Variants in PSG6 observed in about 807,000 individuals in gnomAD.
PSG6 encodes pregnancy-specific beta-1-glycoprotein 6.
A neutral mutation model predicts 43.3 loss-of-function variants in PSG6; 51 were observed. The ratio of observed to expected loss-of-function variants is 1.18; its 90% confidence interval spans 0.94 to 1.49. The LOEUF is 1.49. PSG6 is among the 40% of genes most tolerant of loss of function. The pLI is 0.00. For synonymous variants in PSG6, 292 were observed against 197.6 expected (o/e 1.48, Z -4.01); for missense variants, 770 against 522.2 (o/e 1.47, Z -4.62).
Position 42,907,735 on chromosome 19 carries a change from C to A in PSG6, c.826G>T (p.Gly276Cys), listed in dbSNP as rs756122986. 6.2e-7 allele frequency: 1 copy of A among 1,610,734 alleles called. No homozygotes were observed. Among genetic ancestry groups the A allele is most frequent in the African/African-American group, 1.3e-5 (1 of 74,688 alleles). ...CTCGGACTGACCGGGAGGCTCTGAC[C>A]ATTTAGCCACCAAATGTAGGTGTAG... ...RNYTYIWWLNGQSLPVSPRVK... is the reference protein window; with the variant it reads ...RNYTYIWWLNCQSLPVSPRVK... Residue 276 changes from glycine to cysteine, a missense_variant, in exon 4 of 6, where the codon GGT (glycine) becomes TGT (cysteine). Transcript: ENST00000187910.
At chr19:42,907,533 T>A (rs1275650287) in intron 4 of PSG6, 43 bp downstream of exon 4, 1 of 1,607,558 alleles carries the variant, frequency 6.2e-7, no homozygotes. Flanking sequence ...TCGTTTGGAG[T>A]TAAGCTGGTG....
At position 42,915,605 on chromosome 19, in the gene PSG6, C is replaced by T. The variant is rs1207771665; in HGVS notation, c.427+520G>A. The T allele has an allele frequency of 1.2e-5, 2 of 168,604 alleles. 1 individual carries two copies. The highest frequency in any genetic ancestry group is 2.6e-5 in the Non-Finnish European group (2 of 78,136). 10.4% of individuals were successfully genotyped at this position (168,604 alleles called of 1,614,324 possible). On this transcript the variant is annotated intron_variant, in intron 2 of 5. Transcript: ENST00000187910. ...CTGAGCCCTGGCTGGTGAACAGCTC[C>T]AGGAGACACAGTCCTCAGACAGCTG...
In PSG6 at chr19:42,912,888, A is replaced by G. The variant is rs376353519; in HGVS notation, c.428-2030T>C. ...AGATAGGACCTACCTGGCCACCTCC[A>G]TCTGGTCCCCAAACCACAAGTATTC... On this transcript the variant is annotated intron_variant, in intron 2 of 5. Transcript: ENST00000187910. 5.3e-5 allele frequency among the ~76,000 whole-genome samples: 8 copies of G among 151,838 alleles called. No homozygotes were observed. In the East Asian group the frequency reaches 1.4e-3, roughly 26 times the overall value.
chr19:42,911,906 G>C (rs113121435), intron 2 of PSG6, among the ~76,000 whole-genome samples: 2,522 of 151,520 alleles, frequency 0.017, 116 homozygotes, highest in African/African-American at 0.057. Flanking sequence ...CTGAAATCAC[G>C]GGTATAGGGC....
rs1232025465 is a variant in PSG6, at chr19:42,916,756, C to T, written c.65-269G>A. Among the ~76,000 whole-genome samples, 7 of 151,158 alleles carry T rather than the reference C, an allele frequency of 4.6e-5. No individual in the cohort carries two copies. In the East Asian group the frequency reaches 1.4e-3, roughly 30 times the overall value. On this transcript the variant is annotated intron_variant, in intron 1 of 5. Coordinates refer to ENST00000187910, the MANE Select transcript of PSG6 (RefSeq NM_001031850.4). Reference sequence around the variant, plus strand: ...CATTTTTCTGTTTGCAATCCTCTTCCCCAGGGGTCCGCACGGCCCCCTCCA... The same window carrying T: ...CATTTTTCTGTTTGCAATCCTCTTCTCCAGGGGTCCGCACGGCCCCCTCCA...
intron 2 of PSG6, among the ~76,000 whole-genome samples, chr19:42,913,427 G>C (rs1000372095): frequency 2.0e-5 from 3 of 151,858 alleles, no homozygotes; most frequent in African/African-American, 7.3e-5. Flanking sequence ...TTATAGGCGT[G>C]AGCCACTGTG....
In PSG6 at chr19:42,910,567, A is replaced by G. The variant is rs1039102220; in HGVS notation, c.706+13T>C. The G allele has an allele frequency of 6.2e-7, 1 of 1,612,492 alleles. No individual in the cohort carries two copies. Among genetic ancestry groups the G allele is most frequent in the Non-Finnish European group, 8.5e-7 (1 of 1,179,300 alleles). On this transcript the variant is annotated intron_variant, in intron 3 of 5. Coordinates refer to ENST00000187910, the MANE Select transcript of PSG6 (RefSeq NM_001031850.4). ...ATGGCAGCCTGGCTCACAGAGGAAC[A>G]GAAGATACTCACGGAGGAGATTCAG...
intron 1 of PSG6, 93 bp from the exon 2 acceptor site, chr19:42,916,580 T>A: frequency 1.3e-6 from 2 of 1,487,842 alleles, no homozygotes; most frequent in Non-Finnish European, 1.8e-6. Context: ...TCTTCAATCA[T>A]CAGCCTTGAA....
At chr19:42,904,786 C>G (rs753558490) in intron 5 of PSG6, among the ~76,000 whole-genome samples, 2 of 151,566 alleles carry the variant, frequency 1.3e-5, no homozygotes, top group Non-Finnish European at 2.9e-5. Context: ...AAAGAAAAAT[C>G]TGTCCTAAAA....
At chr19:42,915,899 G>A (rs949060847) in intron 2 of PSG6, 1 of 661,702 alleles carries the variant, frequency 1.5e-6, no homozygotes, top group Non-Finnish European at 2.4e-6. Flanking sequence ...CCATCAGACT[G>A]TCCTTCCTCT....
intron 2 of PSG6, chr19:42,915,297 C>T (rs1294812425): frequency 6.6e-6 from 1 of 151,810 alleles, no homozygotes; most frequent in Non-Finnish European, 1.5e-5. Context: ...TCACAGTCAA[C>T]TGACTTAATG....
chr19:42,902,494 C>A, intron 5 of PSG6, 48 bp from the exon 6 acceptor site: 2 of 1,600,570 alleles, frequency 1.2e-6, no homozygotes, highest in Admixed American at 1.7e-5. Flanking sequence ...TCACTACCTC[C>A]TTTACAGAGA....
Position 42,916,297 on chromosome 19 carries a change from G to A in PSG6, c.255C>T (p.His85=), listed in dbSNP as rs73934315. The change falls in exon 2 of 6, where the codon CAC becomes CAT. Residue 85 remains histidine (H), a synonymous_variant. Transcript: ENST00000187910. ...AGGCAGGCCCATATATAATTTGACC[G>A]TGTACTACATATGATGTAATGTAAT... ...LYHYITSYVV[H]GQIIYGPAYS... is the part of the protein sequence containing the mutation. The A allele has an allele frequency of 1.2e-3, 1,914 of 1,611,992 alleles. 54 individuals carry two copies. In the African/African-American group the frequency reaches 0.017, roughly 14 times the overall value.
At chr19:42,903,631 T>C (rs1201055352) in intron 5 of PSG6, 2 of 1,501,904 alleles carry the variant, frequency 1.3e-6, no homozygotes, top group East Asian at 5.2e-5. Context: ...TGGGTCATGT[T>C]TTAATCCTAG....
intron 2 of PSG6, among the ~76,000 whole-genome samples, chr19:42,914,868 C>CT (rs59348570): frequency 0.37 from 55,871 of 151,178 alleles, 12,265 homozygotes; most frequent in African/African-American, 0.56. Flanking sequence ...GACATGGACA[C>CT]TTGGGAAACA....
At position 42,916,466 on chromosome 19, in the gene PSG6, T is replaced by C. The variant is rs1568448469; in HGVS notation, c.86A>G (p.Asn29Ser). ...LLTASLLNFW[N>S]LPTTAQVIIE... ...TATTACTTGGGCAGTGGTGGGCAGG[T>C]TCCAGAAGTTTAAAAGTGATGCTAG... Residue 29 changes from asparagine to serine, a missense_variant, in exon 2 of 6, where the codon AAC becomes AGC. Physicochemically the swap from Asn to Ser is conservative, Grantham distance 46. Transcript: ENST00000187910. The C allele has an allele frequency of 6.2e-7, 1 of 1,611,146 alleles. No individual in the cohort carries two copies. The highest frequency in any genetic ancestry group is 8.5e-7 in the Non-Finnish European group (1 of 1,178,676).
chr19:42,902,673 A>T (rs2122613160), intron 5 of PSG6, among the ~76,000 whole-genome samples: 1 of 151,686 alleles, frequency 6.6e-6, no homozygotes, highest in East Asian at 1.9e-4. Context: ...TTTCACAGGA[A>T]TCAGCTCTGC....
chr19:42,913,857 C>CCAAA (rs1568446789), intron 2 of PSG6, among the ~76,000 whole-genome samples: 1 of 151,486 alleles, frequency 6.6e-6, no homozygotes, highest in Non-Finnish European at 1.5e-5. Flanking sequence ...GATTCCATCA[C>CCAAA]CAATCAGCAG....
intron 3 of PSG6, among the ~76,000 whole-genome samples, chr19:42,908,993 G>A (rs1972169879): frequency 6.6e-6 from 1 of 151,606 alleles, no homozygotes; most frequent in Non-Finnish European, 1.5e-5. Flanking sequence ...GATGCCTATA[G>A]TTCACACAGA....
Sources: allele counts gnomAD v4.1 joint callset (sites outside exome capture counted in the v4.1 genomes callset), GRCh38; gene constraint gnomAD v4.1.1; transcripts MANE v1.5; gene names NCBI Gene and HGNC (gene_info 2026-07-23, HGNC 2026-07-21).